PREX2: variants seen among roughly 807,000 people sequenced by gnomAD.
PREX2 encodes phosphatidylinositol-3,4,5-trisphosphate dependent Rac exchange factor 2.
Under a neutral mutation model 203.2 loss-of-function variants are expected in PREX2, and 107 were observed. That is an observed-to-expected ratio of 0.53 (90% CI 0.45 to 0.62). The LOEUF is 0.62. Ranked by LOEUF, PREX2 falls within the 20% of genes least tolerant of loss-of-function variation. PREX2 has a pLI of 0.00. For synonymous variants in PREX2, 672 were observed against 663.6 expected (o/e 1.01, Z -0.19); for missense variants, 1,777 against 1,955.9 (o/e 0.91, Z 1.72).
At chr8:68,133,157 G>A (rs148644513) in intron 31 of PREX2, among the ~76,000 whole-genome samples, 206 of 152,284 alleles carry the variant, frequency 1.4e-3, no homozygotes, top group African/African-American at 4.2e-3. Flanking sequence ...AGCAGAGAGC[G>A]TGTGTGTCAG....
intron 11 of PREX2, among the ~76,000 whole-genome samples, chr8:68,067,033 C>T (rs1211831013): frequency 6.6e-6 from 1 of 152,072 alleles, no homozygotes; most frequent in Non-Finnish European, 1.5e-5. Flanking sequence ...AGAGCAATGA[C>T]CATAAATCTG....
chr8:68,061,896 A>G (rs1289614449), intron 11 of PREX2, among the ~76,000 whole-genome samples: 1 of 152,184 alleles, frequency 6.6e-6, no homozygotes, highest in African/African-American at 2.4e-5. Context: ...AAGCAGTGTT[A>G]ATGGGACTCA....
At position 68,093,076 on chromosome 8, in the gene PREX2, T is replaced by C. The variant is rs182294814; in HGVS notation, c.2251-529T>C. ...CATCTTTGGAACATATCTTAGAAGA[T>C]AAAACTTGAAGCTTTAAAAAGTCAG... On this transcript the variant is annotated intron_variant, in intron 20 of 39. Coordinates refer to ENST00000288368, the MANE Select transcript of PREX2 (RefSeq NM_024870.4). 2.0e-5 allele frequency among the ~76,000 whole-genome samples: 3 copies of C among 152,294 alleles called. No homozygotes were observed. The East Asian group carries it at 5.8e-4, about 29-fold the overall frequency.
intron 32 of PREX2, among the ~76,000 whole-genome samples, chr8:68,134,585 T>C (rs530986264): frequency 6.6e-6 from 1 of 152,318 alleles, no homozygotes; most frequent in South Asian, 2.1e-4. Context: ...AAAGGGTCTT[T>C]CTGCTGCTGT....
At chr8:67,957,098 G>T (rs752488689) in intron 1 of PREX2, among the ~76,000 whole-genome samples, 4 of 152,186 alleles carry the variant, frequency 2.6e-5, no homozygotes, top group Non-Finnish European at 5.9e-5. Context: ...TGCTACAGTT[G>T]TTATAAAGAG....
intron 1 of PREX2, among the ~76,000 whole-genome samples, chr8:67,989,866 C>G (rs1214791916): frequency 6.6e-6 from 1 of 152,288 alleles, no homozygotes; most frequent in African/African-American, 2.4e-5. Context: ...TTTAAATATG[C>G]AGCTGATAGA....
At chr8:68,127,707 G>A (rs1810922976) in intron 31 of PREX2, among the ~76,000 whole-genome samples, 1 of 151,780 alleles carries the variant, frequency 6.6e-6, no homozygotes, top group Non-Finnish European at 1.5e-5. Context: ...TATTAAACAG[G>A]AGAAAGGGAG....
chr8:68,035,371 G>T (rs1445881125), intron 6 of PREX2, among the ~76,000 whole-genome samples: 1 of 152,102 alleles, frequency 6.6e-6, no homozygotes, highest in Non-Finnish European at 1.5e-5. Context: ...ATCTAGCTCG[G>T]TTAGATCTTT....
In PREX2 at chr8:68,119,423, G is replaced by T; in HGVS notation, c.3422-9G>T. On this transcript the variant is annotated splice_polypyrimidine_tract_variant and intron_variant, in intron 27 of 39. Transcript: ENST00000288368. ...TGGTTTTTGGTTTTGTTTTTGTTTT[G>T]ACATCTAGGTGATGAACTTCCCTTA... is the stretch of plus-strand genomic sequence containing the variant. 6.2e-7 allele frequency: 1 copy of T among 1,605,298 alleles called. No individual in the cohort carries two copies. The highest frequency in any genetic ancestry group is 1.1e-5 in the South Asian group (1 of 90,292).
rs1808568576 is a variant in PREX2, at chr8:68,053,084, C to T, written c.944-13C>T. On this transcript the variant is annotated splice_polypyrimidine_tract_variant and intron_variant, in intron 8 of 39. Coordinates refer to ENST00000288368, the MANE Select transcript of PREX2 (RefSeq NM_024870.4). Reference sequence around the variant, plus strand: ...TACATTTTGTTCATTTGCCTTTACCCATTAATTTACAGCTGATTTCCATAG... The same window carrying T: ...TACATTTTGTTCATTTGCCTTTACCTATTAATTTACAGCTGATTTCCATAG... 1 of 1,607,610 alleles carries T rather than the reference C, an allele frequency of 6.2e-7. No homozygotes were observed. The highest frequency in any genetic ancestry group is 1.7e-5 in the Admixed American group (1 of 59,528).
intron 39 of PREX2, among the ~76,000 whole-genome samples, chr8:68,229,597 A>AG (rs1449326553): frequency 6.6e-6 from 1 of 152,222 alleles, no homozygotes; most frequent in African/African-American, 2.4e-5. Flanking sequence ...AGGTGATCAC[A>AG]GGGAGTAGCC....
At chr8:68,193,521 T>A (rs146888984) in intron 37 of PREX2, among the ~76,000 whole-genome samples, 4 of 152,300 alleles carry the variant, frequency 2.6e-5, no homozygotes, top group African/African-American at 4.8e-5. Context: ...TCAGTGCTGT[T>A]GGCTGTGTAA....
At chr8:67,977,562 A>G (rs1042567618) in intron 1 of PREX2, among the ~76,000 whole-genome samples, 4 of 152,114 alleles carry the variant, frequency 2.6e-5, no homozygotes, top group African/African-American at 7.2e-5. Flanking sequence ...GGAGTGACAG[A>G]GTGACCTTTG....
chr8:67,992,910 A>C (rs1179094120), intron 1 of PREX2, among the ~76,000 whole-genome samples: 1 of 152,140 alleles, frequency 6.6e-6, no homozygotes, highest in Non-Finnish European at 1.5e-5. Flanking sequence ...TTAAGGAAAA[A>C]CTTCAGCTGA....
intron 31 of PREX2, among the ~76,000 whole-genome samples, chr8:68,130,112 T>C: frequency 1.5e-5 from 1 of 64,780 alleles, no homozygotes; most frequent in South Asian, 5.1e-4. Flanking sequence ...GCCCTGCCTC[T>C]GCAAAAAAAA....
intron 37 of PREX2, among the ~76,000 whole-genome samples, chr8:68,216,568 A>G (rs1812841949): frequency 6.6e-6 from 1 of 152,206 alleles, no homozygotes; most frequent in Non-Finnish European, 1.5e-5. Context: ...AGAACTTTTA[A>G]AAGAACAATT....
chr8:67,992,723 A>C (rs1156436665), intron 1 of PREX2, among the ~76,000 whole-genome samples: 2 of 152,214 alleles, frequency 1.3e-5, no homozygotes, highest in Non-Finnish European at 2.9e-5. Context: ...GAAGCAGCCA[A>C]AAGCTTAATT....
rs1473731090 is a variant in PREX2 at position 68,192,454 on chromosome 8, G to A, written c.4533G>A (p.Leu1511=). ...GCAGTGCTTCTGGGGTTGGACTGCT[G>A]TCAGTTTCCTCGGAGCTGTGCAACA... ...TACSASGVGL[L]SVSSELCNRL... The change falls in exon 37 of 40, where the codon CTG becomes CTA. Residue 1511 remains leucine, a synonymous_variant. Coordinates refer to ENST00000288368, the MANE Select transcript of PREX2 (RefSeq NM_024870.4). The A allele has an allele frequency of 1.2e-6, 2 of 1,613,872 alleles. No homozygotes were observed. Among genetic ancestry groups the A allele is most frequent in the Non-Finnish European group, 1.7e-6 (2 of 1,179,954 alleles).
intron 1 of PREX2, among the ~76,000 whole-genome samples, chr8:67,968,327 C>G (rs1453236678): frequency 3.3e-5 from 5 of 152,140 alleles, no homozygotes; most frequent in African/African-American, 1.2e-4. Flanking sequence ...TTAATAGAAT[C>G]TGGGAGCTCG....
Sources: allele counts gnomAD v4.1 joint callset (sites outside exome capture counted in the v4.1 genomes callset), GRCh38; gene constraint gnomAD v4.1.1; transcripts MANE v1.5; gene names NCBI Gene and HGNC (gene_info 2026-07-23, HGNC 2026-07-21).